The following CRADD variants were observed in gnomAD, a reference collection of about 807,000 sequenced individuals.
The protein encoded by CRADD is CARD and death domain containing adaptor protein.
A neutral mutation model predicts 15.5 loss-of-function variants in CRADD; 9 were observed. The observed-to-expected ratio is 0.58, with a 90% CI of 0.35 to 1.01. CRADD has a LOEUF of 1.01. Among genes scored for constraint, CRADD ranks in the 50% least tolerant of loss-of-function variants. The pLI, the probability that CRADD is intolerant of heterozygous loss-of-function variation, is 0.02. For synonymous variants in CRADD, 118 were observed against 107.6 expected (o/e 1.10, Z -0.60); for missense variants, 227 against 250.3 (o/e 0.91, Z 0.63).
chr12:93,885,436 G>GCCCCCC (rs138828699), intron 2 of CRADD, among the ~76,000 whole-genome samples: 13 of 151,388 alleles, frequency 8.6e-5, no homozygotes, highest in African/African-American at 2.9e-4. Flanking sequence ...AGGTCCTCGT[G>GCCCCCC]CCCCCGCCAC....
At chr12:93,736,288 A>T (rs1297779698) in intron 2 of CRADD, among the ~76,000 whole-genome samples, 1 of 152,176 alleles carries the variant, frequency 6.6e-6, no homozygotes, top group South Asian at 2.1e-4. Context: ...AGTACAGTAC[A>T]TTGCAAAGGA....
At chr12:93,878,524 A>C (rs1958472950) in intron 2 of CRADD, among the ~76,000 whole-genome samples, 1 of 152,118 alleles carries the variant, frequency 6.6e-6, no homozygotes, top group African/African-American at 2.4e-5. Flanking sequence ...CCCCACCCCC[A>C]GTCCACTCTC....
At chr12:93,837,506 G>C (rs60169972) in intron 2 of CRADD, 22,970 of 152,084 alleles carry the variant, frequency 0.15, 2,144 homozygotes, top group East Asian at 0.36. Context: ...GACCTCAGGT[G>C]ATCCACCCGC....
At chr12:93,826,328 C>T (rs1030959013) in intron 2 of CRADD, among the ~76,000 whole-genome samples, 15 of 152,146 alleles carry the variant, frequency 9.9e-5, no homozygotes, top group Admixed American at 5.2e-4. Context: ...ATAACAAAAC[C>T]GCCTTTAATA....
At chr12:93,712,062 ACT>A (rs1302426257) in intron 2 of CRADD, among the ~76,000 whole-genome samples, 6 of 151,756 alleles carry the variant, frequency 4.0e-5, no homozygotes, top group Admixed American at 2.0e-4. Context: ...GGTCTCCTAG[ACT>A]CTTAACAGTG....
At chr12:93,809,308 A>T (rs1957591998) in intron 2 of CRADD, among the ~76,000 whole-genome samples, 1 of 152,206 alleles carries the variant, frequency 6.6e-6, no homozygotes. Flanking sequence ...CACCAGGTTT[A>T]TTCTTTTGCT....
intron 2 of CRADD, among the ~76,000 whole-genome samples, chr12:93,721,620 T>A (rs1360336162): frequency 6.6e-6 from 1 of 152,240 alleles, no homozygotes; most frequent in African/African-American, 2.4e-5. Flanking sequence ...CAATACAGTA[T>A]AACAACTATT....
chr12:93,828,406 A>G (rs1346502038), intron 2 of CRADD, among the ~76,000 whole-genome samples: 2 of 152,238 alleles, frequency 1.3e-5, no homozygotes, highest in Non-Finnish European at 2.9e-5. Flanking sequence ...CAAATAATTC[A>G]TCTATGTTTT....
At chr12:93,681,163 C>A (rs1955287137) in intron 2 of CRADD, among the ~76,000 whole-genome samples, 1 of 152,122 alleles carries the variant, frequency 6.6e-6, no homozygotes, top group Non-Finnish European at 1.5e-5. Context: ...GGATTACAGG[C>A]GTGAGCCACC....
chr12:93,748,988 A>G (rs1323933226), intron 2 of CRADD, among the ~76,000 whole-genome samples: 2 of 152,190 alleles, frequency 1.3e-5, no homozygotes, highest in Admixed American at 1.3e-4. Flanking sequence ...TGGTGGTACT[A>G]TAGCTCTTCA....
At chr12:93,680,848 A>G (rs756008341) in intron 2 of CRADD, among the ~76,000 whole-genome samples, 3 of 152,184 alleles carry the variant, frequency 2.0e-5, no homozygotes, top group Non-Finnish European at 2.9e-5. Flanking sequence ...TGGGTGATAC[A>G]GATCATGCTG....
chr12:93,844,704 C>T (rs1958093022), intron 2 of CRADD, among the ~76,000 whole-genome samples: 1 of 152,200 alleles, frequency 6.6e-6, no homozygotes, highest in Non-Finnish European at 1.5e-5. Context: ...CCCTTCCCAA[C>T]ACCCAACCAA....
At chr12:93,893,187 GA>G (rs1330648651) in intron 2 of CRADD, among the ~76,000 whole-genome samples, 1 of 152,200 alleles carries the variant, frequency 6.6e-6, no homozygotes, top group Non-Finnish European at 1.5e-5. Context: ...TTGAAAGCTG[GA>G]GGGGTGAAAT....
In CRADD at chr12:93,847,126, A is replaced by T. The variant is rs151336625; in HGVS notation, c.299-2844A>T. On this transcript the variant is annotated intron_variant, in intron 2 of 2. Transcript: ENST00000332896. ...TCAGAAAAAAAGAAGGTTATGCCACATATCTGAAAGTGCAGATGTAGAATG... is the reference window on the plus strand; with the variant it reads ...TCAGAAAAAAAGAAGGTTATGCCACTTATCTGAAAGTGCAGATGTAGAATG... 2.6e-5 allele frequency among the ~76,000 whole-genome samples: 4 copies of T among 152,242 alleles called. No individual in the cohort carries two copies. In the East Asian group the frequency reaches 7.7e-4, roughly 29 times the overall value.
At chr12:93,808,429 G>A (rs1157520693) in intron 2 of CRADD, among the ~76,000 whole-genome samples, 2 of 152,022 alleles carry the variant, frequency 1.3e-5, no homozygotes, top group Non-Finnish European at 2.9e-5. Context: ...AACAGTATGG[G>A]GGAAACCGCC....
chr12:93,871,930 C>T (rs1958424067), intron 2 of CRADD, among the ~76,000 whole-genome samples: 1 of 152,132 alleles, frequency 6.6e-6, no homozygotes, highest in East Asian at 1.9e-4. Flanking sequence ...ATATACCTAG[C>T]AGTGGGATTG....
intron 2 of CRADD, among the ~76,000 whole-genome samples, chr12:93,732,525 T>C (rs1205106235): frequency 6.6e-6 from 1 of 152,208 alleles, no homozygotes; most frequent in Admixed American, 6.5e-5. Flanking sequence ...TATTTTGAAT[T>C]ATCTTTAAAA....
chr12:93,753,711 C>A (rs529590901), intron 2 of CRADD, among the ~76,000 whole-genome samples: 1 of 152,388 alleles, frequency 6.6e-6, no homozygotes, highest in African/African-American at 2.4e-5. Context: ...CCATGTCTCA[C>A]ATCCAGGTCC....
chr12:93,768,955 G>A (rs1254802454), intron 2 of CRADD, among the ~76,000 whole-genome samples: 2 of 151,918 alleles, frequency 1.3e-5, no homozygotes, highest in Non-Finnish European at 1.5e-5. Context: ...CTCAATATTT[G>A]TTTGTGAGAT....
Sources: allele counts gnomAD v4.1 joint callset (sites outside exome capture counted in the v4.1 genomes callset), GRCh38; gene constraint gnomAD v4.1.1; transcripts MANE v1.5; gene names NCBI Gene and HGNC (gene_info 2026-07-23, HGNC 2026-07-21).